HEATR4: variants seen among roughly 807,000 people sequenced by gnomAD.
HEATR4 encodes the protein HEAT repeat-containing protein 4.
HEATR4 carries 95 observed loss-of-function variants against 108.8 expected under a neutral mutation model. The observed-to-expected ratio is 0.87, with a 90% CI of 0.74 to 1.04. The LOEUF (loss-of-function observed/expected upper bound fraction) is 1.04. Ranked by LOEUF, HEATR4 falls within the 50% of genes least tolerant of loss-of-function variation. The pLI is 0.00. For missense variants in HEATR4, 1,152 were observed against 1,253.8 expected (o/e 0.92, Z 1.23); for synonymous variants, 443 against 459.4 (o/e 0.96, Z 0.46).
At chr14:73,502,601 G>A (rs763183716) in intron 11 of HEATR4, among the ~76,000 whole-genome samples, 3 of 151,922 alleles carry the variant, frequency 2.0e-5, no homozygotes, top group South Asian at 2.1e-4. Context: ...AGGCTGGAGT[G>A]CAGTGGCGCG....
intron 8 of HEATR4, 110 bp from the exon 9 acceptor site, chr14:73,508,404 T>C: frequency 1.2e-6 from 1 of 849,506 alleles, no homozygotes; most frequent in Non-Finnish European, 1.9e-6. Context: ...TCTCACTTCC[T>C]TGTGCCCCAC....
intron 17 of HEATR4, chr14:73,491,556 C>G: frequency 6.5e-7 from 1 of 1,538,472 alleles, no homozygotes; most frequent in Non-Finnish European, 8.7e-7. Flanking sequence ...GGGGAGCCGG[C>G]CTGGGACTCC....
Position 73,513,931 on chromosome 14 carries a change from A to G in HEATR4, c.1414+100T>C, listed in dbSNP as rs1452184835. 21 of 1,246,052 alleles carry G rather than the reference A, an allele frequency of 1.7e-5. No homozygotes were observed. The Middle Eastern group carries it at 2.9e-3, about 169-fold the overall frequency. 77.2% of individuals were successfully genotyped at this position (1,246,052 alleles called of 1,614,324 possible). A position where few individuals can be genotyped will look rare whatever the true frequency, so the allele number is the denominator to read the frequency against. On this transcript the variant is annotated intron_variant, in intron 6 of 17. Transcript: ENST00000553558. The stretch of plus-strand genomic sequence containing the variant: ...TGAGGCAACCAGATTTTTACATTTC[A>G]CAAAGGAGGGATGGATTTTTCAAAG...
intron 17 of HEATR4, among the ~76,000 whole-genome samples, chr14:73,480,061 T>A (rs1160702416): frequency 2.6e-5 from 4 of 152,250 alleles, no homozygotes; most frequent in African/African-American, 4.8e-5. Context: ...ACTAATAAGT[T>A]ATAATTTCAG....
In HEATR4 at chr14:73,542,715, C is replaced by T. The variant is rs111684237; in HGVS notation, c.-151-12471G>A. ...GCCACCACGCCCGGCCATGAGATGA[C>T]GTACTTGTTGATGACGACTCAGTTT... is the stretch of plus-strand genomic sequence containing the variant. On this transcript the variant is annotated intron_variant, in intron 1 of 17. Coordinates refer to ENST00000553558, the MANE Select transcript of HEATR4 (RefSeq NM_001220484.1). 1.9e-4 allele frequency among the ~76,000 whole-genome samples: 21 copies of T among 111,390 alleles called. 5 individuals carry two copies. The highest frequency in any genetic ancestry group is 1.4e-3 in the South Asian group (5 of 3,530). 73.1% of individuals were successfully genotyped at this position (111,390 alleles called of 152,430 possible).
the HEATR4 span, chr14:73,569,713 G>A: frequency 5.0e-6 from 8 of 1,609,152 alleles, no homozygotes; most frequent in Non-Finnish European, 6.8e-6. Context: ...CTGGTGAAGC[G>A]CGACGTGCGA....
the HEATR4 span, chr14:73,592,292 C>T: frequency 6.2e-7 from 1 of 1,611,130 alleles, no homozygotes; most frequent in Non-Finnish European, 8.5e-7. Flanking sequence ...TGCTGGACGG[C>T]CACGACCCCG....
At chr14:73,511,864 A>G (rs1183908552) in intron 7 of HEATR4, 142 bp downstream of exon 7, 2 of 854,026 alleles carry the variant, frequency 2.3e-6, no homozygotes. Flanking sequence ...GCTGATAAGC[A>G]TGTATATATA....
the HEATR4 span, among the ~76,000 whole-genome samples, chr14:73,615,387 A>AT: frequency 1.6e-4 from 13 of 83,814 alleles, no homozygotes; most frequent in Admixed American, 1.1e-3. Context: ...ACTCTGTCTG[A>AT]TAAAAAAAAA....
In HEATR4 at chr14:73,520,278, G is replaced by A. The variant is rs76515553; in HGVS notation, c.1069+574C>T. On this transcript the variant is annotated intron_variant, in intron 4 of 17. Transcript: ENST00000553558. ...ACAGGGAAGGTGGCAAACATTTACT[G>A]AACACCTTAAACAGACATTGAGCAA... 306 of 152,350 alleles carry A rather than the reference G, an allele frequency of 2.0e-3. 3 individuals carry two copies. Among genetic ancestry groups the A allele is most frequent in the Non-Finnish European group, 3.5e-3 (235 of 68,090 alleles). The allele number at this position is 152,350 out of a possible 1,614,324, so 9.4% of individuals were successfully genotyped here. A position where few individuals can be genotyped will look rare whatever the true frequency, so the allele number is the denominator to read the frequency against.
rs750611834 is a variant in HEATR4, at chr14:73,508,295, C to T, written c.1721-1G>A. 1.2e-6 allele frequency: 2 copies of T among 1,613,446 alleles called. No homozygotes were observed. Among genetic ancestry groups the T allele is most frequent in the Admixed American group, 1.7e-5 (1 of 60,002 alleles). ...GCAGCCCAGCTATCCACACTGTTAC[C>T]TGCCACAGTTGGGTGAAAAAGAGTT... On this transcript the variant is annotated splice_acceptor_variant, in intron 8 of 17. Coordinates refer to ENST00000553558, the MANE Select transcript of HEATR4 (RefSeq NM_001220484.1). LOFTEE classifies it high-confidence loss of function.
At chr14:73,559,747 G>A (rs190053903), upstream of HEATR4, among the ~76,000 whole-genome samples, 832 of 151,796 alleles carry the variant, frequency 5.5e-3, 5 homozygotes, top group African/African-American at 0.019. Context: ...AGTCTCAAAA[G>A]ATAAAAATAA....
chr14:73,598,389 CAAAAA>C, the HEATR4 span, among the ~76,000 whole-genome samples: 1 of 103,364 alleles, frequency 9.7e-6, no homozygotes, highest in African/African-American at 3.5e-5. Flanking sequence ...GACTCCGTCT[CAAAAA>C]AAAAAAAAAA....
the HEATR4 span, among the ~76,000 whole-genome samples, chr14:73,605,475 GC>G: frequency 6.7e-6 from 1 of 148,292 alleles, no homozygotes; most frequent in Non-Finnish European, 1.5e-5. Context: ...AAACCTCCTC[GC>G]CTGGGAACTA....
the HEATR4 span, among the ~76,000 whole-genome samples, chr14:73,627,716 G>A: frequency 1.3e-5 from 2 of 152,104 alleles, no homozygotes; most frequent in African/African-American, 2.4e-5. Context: ...CATCATCTAG[G>A]CACGATTGAT....
intron 2 of HEATR4, among the ~76,000 whole-genome samples, chr14:73,526,716 G>A (rs1354613680): frequency 6.6e-6 from 1 of 152,228 alleles, no homozygotes; most frequent in African/African-American, 2.4e-5. Flanking sequence ...GCTCTGATGG[G>A]TCAGATTTAT....
the HEATR4 span, among the ~76,000 whole-genome samples, chr14:73,578,226 T>C: frequency 1.7e-5 from 2 of 120,848 alleles, no homozygotes; most frequent in East Asian, 3.0e-4. Flanking sequence ...CTCTTGACAT[T>C]TCATCTTTTT....
At chr14:73,592,228 T>A in the HEATR4 span, 1 of 1,613,150 alleles carries the variant, frequency 6.2e-7, no homozygotes, top group Non-Finnish European at 8.5e-7. Context: ...GAGAAGCCTT[T>A]TTGGCGCTTC....
At position 73,523,076 on chromosome 14, in the gene HEATR4, C is replaced by A. The variant is rs769771927; in HGVS notation, c.77G>T (p.Gly26Val). 7 of 1,613,178 alleles carry A rather than the reference C, an allele frequency of 4.3e-6. No individual in the cohort carries two copies. Among genetic ancestry groups the A allele is most frequent in the East Asian group, 2.2e-5 (1 of 44,888 alleles). Reference sequence around the variant, plus strand: ...CAATTTTGAGTAGTTTAAAATCATGCCCCATCCCAGTCGTGGGGGCAGTGA... The same window carrying A: ...CAATTTTGAGTAGTTTAAAATCATGACCCATCCCAGTCGTGGGGGCAGTGA... Reference protein sequence around the residue: ...YQSLPPRLGWGMILNYSKLKG... With the variant: ...YQSLPPRLGWVMILNYSKLKG... The change falls in exon 3 of 18, where the codon GGC (glycine) becomes GTC (valine). Residue 26 changes from glycine (G) to valine (V), a missense_variant. By Grantham distance (109) the Gly-to-Val change is moderately radical. Coordinates refer to ENST00000553558, the MANE Select transcript of HEATR4 (RefSeq NM_001220484.1).
Sources: allele counts gnomAD v4.1 joint callset (sites outside exome capture counted in the v4.1 genomes callset), GRCh38; gene constraint gnomAD v4.1.1; transcripts MANE v1.5; gene names NCBI Gene and HGNC (gene_info 2026-07-23, HGNC 2026-07-21).